The following CTNNA3 variants were observed in gnomAD, a reference collection of about 807,000 sequenced individuals.
CTNNA3 encodes the protein catenin alpha-3.
A neutral mutation model predicts 95.7 loss-of-function variants in CTNNA3; 76 were observed. The ratio of observed to expected loss-of-function variants is 0.79; its 90% CI spans 0.66 to 0.96. The LOEUF is 0.96. CTNNA3 is among the 40% of genes least tolerant of loss of function. The probability of loss-of-function intolerance (pLI) is 0.00; values close to 1 mark genes in which losing one functional copy is unlikely to be tolerated. For missense variants in CTNNA3, 1,191 were observed against 1,089.8 expected, an observed-to-expected ratio of 1.09 and a Z score of -1.31; for synonymous variants, 431 against 374.4, an observed-to-expected ratio of 1.15 and a Z score of -1.74.
At chr10:66,647,809 G>A (rs774429759) in intron 9 of CTNNA3, among the ~76,000 whole-genome samples, 17 of 151,806 alleles carry the variant, frequency 1.1e-4, no homozygotes, top group South Asian at 2.1e-4. Flanking sequence ...GTGAGCCACC[G>A]TGCCCAGCCA....
chr10:67,637,391 G>A (rs902701994), intron 2 of CTNNA3, among the ~76,000 whole-genome samples: 20 of 152,204 alleles, frequency 1.3e-4, no homozygotes, highest in Admixed American at 4.6e-4. Flanking sequence ...TGTCTGATTC[G>A]TGTACCTGAA....
chr10:66,199,507 T>C (rs547996945), intron 13 of CTNNA3, among the ~76,000 whole-genome samples: 1 of 151,820 alleles, frequency 6.6e-6, no homozygotes, highest in East Asian at 1.9e-4. Flanking sequence ...GTATGTATGG[T>C]CTTTACATTT....
At chr10:66,105,257 A>T (rs906846897) in intron 13 of CTNNA3, among the ~76,000 whole-genome samples, 3 of 152,128 alleles carry the variant, frequency 2.0e-5, no homozygotes, top group Non-Finnish European at 4.4e-5. Flanking sequence ...TTACGATGTA[A>T]TTTCTATACA....
chr10:67,527,602 C>T (rs905540957), intron 4 of CTNNA3, among the ~76,000 whole-genome samples: 2 of 152,218 alleles, frequency 1.3e-5, no homozygotes, highest in African/African-American at 2.4e-5. Context: ...AAGACCAGAG[C>T]TTTCAATGAA....
intron 9 of CTNNA3, among the ~76,000 whole-genome samples, chr10:66,683,005 C>A (rs2894020): frequency 0.55 from 84,175 of 151,874 alleles, 24,071 homozygotes; most frequent in African/African-American, 0.68. Context: ...CAGATCTTAA[C>A]GTTGTACATA....
intron 7 of CTNNA3, among the ~76,000 whole-genome samples, chr10:67,144,844 G>A (rs1259571398): frequency 6.6e-6 from 1 of 152,070 alleles, no homozygotes; most frequent in Non-Finnish European, 1.5e-5. Context: ...CTTTTCCTTT[G>A]CATTCACAAA....
At chr10:66,279,581 C>T (rs1589023664) in intron 13 of CTNNA3, among the ~76,000 whole-genome samples, 1 of 151,932 alleles carries the variant, frequency 6.6e-6, no homozygotes, top group Admixed American at 6.6e-5. Context: ...TTCTGAAGTG[C>T]TGAGGTGCAT....
At chr10:67,155,825 T>G (rs972333469) in intron 7 of CTNNA3, among the ~76,000 whole-genome samples, 1 of 152,176 alleles carries the variant, frequency 6.6e-6, no homozygotes, top group African/African-American at 2.4e-5. Context: ...TTCAGAAGTG[T>G]TCCCTTCTCT....
At chr10:67,374,570 CT>C (rs535263790) in intron 5 of CTNNA3, among the ~76,000 whole-genome samples, 3 of 152,140 alleles carry the variant, frequency 2.0e-5, no homozygotes, top group South Asian at 2.1e-4. Flanking sequence ...TCTAATGAGA[CT>C]TTTTTGCTTT....
intron 2 of CTNNA3, among the ~76,000 whole-genome samples, chr10:67,609,020 G>A (rs986984127): frequency 6.7e-6 from 1 of 148,954 alleles, no homozygotes; most frequent in African/African-American, 2.5e-5. Flanking sequence ...AACCCGGCAG[G>A]CAGAGGTTGC....
intron 15 of CTNNA3, among the ~76,000 whole-genome samples, chr10:66,026,019 C>A (rs10762025): frequency 1.3e-4 from 20 of 151,902 alleles, no homozygotes; most frequent in African/African-American, 4.8e-5. Flanking sequence ...GTTTGTTTTA[C>A]ATCTCCCCCT....
Position 67,688,222 on chromosome 10 carries a change from G to A in CTNNA3, c.-6+7778C>T, listed in dbSNP as rs191693597. On this transcript the variant is annotated intron_variant, in intron 1 of 17. Coordinates refer to ENST00000433211, the MANE Select transcript of CTNNA3 (RefSeq NM_013266.4). ...GAGAGGGAGAAGGGGACATGTACCC[G>A]GGTTGGGCCAAATTCCCCTCCCCCT... 7.9e-5 allele frequency among the ~76,000 whole-genome samples: 12 copies of A among 152,188 alleles called. No individual in the cohort carries two copies. The South Asian group carries it at 1.0e-3, about 13-fold the overall frequency.
In CTNNA3 at chr10:66,520,715, G is replaced by T; in HGVS notation, c.1433C>A (p.Thr478Asn). 1 of 1,612,424 alleles carries T rather than the reference G, an allele frequency of 6.2e-7. No homozygotes were observed. Among genetic ancestry groups the T allele is most frequent in the South Asian group, 1.1e-5 (1 of 90,926 alleles). ...ARPKSQAVKN[T>N]MEMYKRTWEN... ...CCATGTACGCTTGTACATTTCCATG[G>T]TGTTTTTGACCGCTTGACTTTTGGG... Residue 478 changes from threonine (T) to asparagine (N), a missense_variant, in exon 11 of 18, where the codon ACC (threonine) becomes AAC (asparagine). By Grantham distance (65) the Thr-to-Asn change is moderately conservative (BLOSUM62 0). Transcript: ENST00000433211.
chr10:66,044,962 C>G (rs144162617), intron 15 of CTNNA3, among the ~76,000 whole-genome samples: 57 of 147,278 alleles, frequency 3.9e-4, no homozygotes, highest in African/African-American at 1.4e-3. Flanking sequence ...CAGTTAGCCT[C>G]TAATGACAAT....
At chr10:66,156,386 A>C (rs186219695) in intron 13 of CTNNA3, among the ~76,000 whole-genome samples, 1 of 152,062 alleles carries the variant, frequency 6.6e-6, no homozygotes, top group Admixed American at 6.6e-5. Flanking sequence ...TCAGGAAAAA[A>C]CTAGTAAAGG....
At chr10:66,416,109 G>C (rs2093143793) in intron 11 of CTNNA3, among the ~76,000 whole-genome samples, 1 of 142,360 alleles carries the variant, frequency 7.0e-6, no homozygotes, top group East Asian at 1.9e-4. Flanking sequence ...CAAAGTGATA[G>C]ATAACGTAGA....
chr10:66,560,967 T>C (rs1842535825), intron 10 of CTNNA3, among the ~76,000 whole-genome samples: 1 of 152,052 alleles, frequency 6.6e-6, no homozygotes, highest in Non-Finnish European at 1.5e-5. Flanking sequence ...CACCTTGATC[T>C]TAAACTTCCC....
At chr10:67,561,770 G>A (rs1285650625) in intron 3 of CTNNA3, among the ~76,000 whole-genome samples, 2 of 151,922 alleles carry the variant, frequency 1.3e-5, no homozygotes, top group Non-Finnish European at 2.9e-5. Context: ...AAAGAGAGAA[G>A]AATCAAACAG....
chr10:67,088,157 T>C (rs1039067891), intron 7 of CTNNA3, among the ~76,000 whole-genome samples: 2 of 151,390 alleles, frequency 1.3e-5, no homozygotes, highest in Admixed American at 6.6e-5. Context: ...AAGAAATGCT[T>C]TTCCTACATG....
Sources: allele counts gnomAD v4.1 joint callset (sites outside exome capture counted in the v4.1 genomes callset), GRCh38; gene constraint gnomAD v4.1.1; transcripts MANE v1.5; gene names NCBI Gene and HGNC (gene_info 2026-07-23, HGNC 2026-07-21).